Variants in UTRN observed in about 807,000 individuals in gnomAD.
The protein encoded by UTRN is utrophin, also known as dystrophin-related protein 1.
In UTRN, 283 loss-of-function variants were observed where a neutral mutation model predicts 463.9. The ratio of observed to expected loss-of-function variants is 0.61; its 90% CI spans 0.55 to 0.67. The LOEUF (loss-of-function observed/expected upper bound fraction) is 0.67. Among genes scored for constraint, UTRN ranks in the 30% least tolerant of loss-of-function variants. The pLI is 0.00. For synonymous variants in UTRN, 1,442 were observed against 1,431.5 expected (o/e 1.01, Z -0.17); for missense variants, 3,922 against 4,084.3 (o/e 0.96, Z 1.08).
intron 2 of UTRN, among the ~76,000 whole-genome samples, chr6:144,339,996 G>A (rs908154989): frequency 2.6e-5 from 4 of 152,098 alleles, no homozygotes; most frequent in African/African-American, 4.8e-5. Context: ...GGTGAAAGCC[G>A]TCTCTACTAG....
At chr6:144,784,576 G>A (rs1373889665) in intron 61 of UTRN, among the ~76,000 whole-genome samples, 1 of 152,164 alleles carries the variant, frequency 6.6e-6, no homozygotes, top group Non-Finnish European at 1.5e-5. Flanking sequence ...GAGGTACTAG[G>A]AGTTAGGACC....
chr6:144,710,570 G>C (rs1464134213), intron 53 of UTRN, among the ~76,000 whole-genome samples: 1 of 152,154 alleles, frequency 6.6e-6, no homozygotes, highest in African/African-American at 2.4e-5. Flanking sequence ...CAGTGTCTCA[G>C]AACATTGATA....
intron 23 of UTRN, among the ~76,000 whole-genome samples, chr6:144,468,751 G>T (rs974656244): frequency 6.6e-6 from 1 of 152,122 alleles, no homozygotes; most frequent in Admixed American, 6.5e-5. Context: ...GCTCTTTGAC[G>T]ATCTTTGTAA....
chr6:144,468,539 T>G (rs1790176964), intron 23 of UTRN, among the ~76,000 whole-genome samples: 1 of 152,146 alleles, frequency 6.6e-6, no homozygotes, highest in African/African-American at 2.4e-5. Context: ...AGAAATTTAC[T>G]AACAGTTTTT....
chr6:144,582,104 G>A (rs1264252002), intron 51 of UTRN, among the ~76,000 whole-genome samples: 1 of 152,058 alleles, frequency 6.6e-6, no homozygotes, highest in African/African-American at 2.4e-5. Flanking sequence ...CAATAAAGTC[G>A]GCAAAGCACT....
At chr6:144,337,324 C>T (rs1200807058) in intron 2 of UTRN, among the ~76,000 whole-genome samples, 1 of 152,184 alleles carries the variant, frequency 6.6e-6, no homozygotes, top group Non-Finnish European at 1.5e-5. Flanking sequence ...AAGCTGTGTG[C>T]CCCTATTACT....
chr6:144,501,807 T>C (rs1320055640), intron 34 of UTRN, among the ~76,000 whole-genome samples: 1 of 152,190 alleles, frequency 6.6e-6, no homozygotes, highest in Non-Finnish European at 1.5e-5. Flanking sequence ...TTTTAAGTCT[T>C]ATACATATTA....
At chr6:144,619,916 C>T (rs949966681) in intron 51 of UTRN, among the ~76,000 whole-genome samples, 2 of 152,218 alleles carry the variant, frequency 1.3e-5, no homozygotes, top group African/African-American at 4.8e-5. Flanking sequence ...CCAGGAAGGG[C>T]ATTCCTTCTG....
intron 50 of UTRN, among the ~76,000 whole-genome samples, chr6:144,570,061 T>C (rs1302605533): frequency 6.6e-6 from 1 of 152,170 alleles, no homozygotes; most frequent in Non-Finnish European, 1.5e-5. Flanking sequence ...TGTGTTGTTT[T>C]TTACCACAAA....
intron 53 of UTRN, among the ~76,000 whole-genome samples, chr6:144,701,717 C>T (rs145342678): frequency 8.5e-5 from 13 of 152,190 alleles, no homozygotes; most frequent in Middle Eastern, 3.4e-3. Flanking sequence ...ATGACAAACA[C>T]GAATGCACAC....
At chr6:144,291,095 C>T (rs73778598) in intron 1 of UTRN, among the ~76,000 whole-genome samples, 17,034 of 152,082 alleles carry the variant, frequency 0.11, 1,383 homozygotes, top group African/African-American at 0.23. Flanking sequence ...TTTAAAAAGG[C>T]CAATTTGACC....
chr6:144,676,016 C>A (rs987042795), intron 51 of UTRN, among the ~76,000 whole-genome samples: 2 of 152,158 alleles, frequency 1.3e-5, no homozygotes, highest in African/African-American at 2.4e-5. Context: ...TTTACTTAAA[C>A]TGCCCCCAAA....
At chr6:144,295,366 C>A (rs1804585459) in intron 2 of UTRN, among the ~76,000 whole-genome samples, 1 of 152,150 alleles carries the variant, frequency 6.6e-6, no homozygotes. Context: ...TATCCCAGAG[C>A]CCTGTAGAAA....
intron 2 of UTRN, among the ~76,000 whole-genome samples, chr6:144,340,396 T>G (rs1474177077): frequency 6.6e-6 from 1 of 152,180 alleles, no homozygotes; most frequent in Non-Finnish European, 1.5e-5. Context: ...GAAGAAGATG[T>G]GTACCCTTCA....
intron 41 of UTRN, among the ~76,000 whole-genome samples, chr6:144,529,017 T>G (rs1796802881): frequency 6.6e-6 from 1 of 152,102 alleles, no homozygotes; most frequent in Non-Finnish European, 1.5e-5. Context: ...CCAGTGGAGT[T>G]ATGTTCCCAG....
At chr6:144,635,552 T>TTTTTTTTTTTTTTTG (rs1777083157) in intron 51 of UTRN, among the ~76,000 whole-genome samples, 1 of 132,418 alleles carries the variant, frequency 7.6e-6, no homozygotes. Context: ...TTTTTTTTTT[T>TTTTTTTTTTTTTTTG]TTTTTGAGAG....
At chr6:144,722,270 A>G (rs1253817072) in intron 53 of UTRN, among the ~76,000 whole-genome samples, 2 of 151,432 alleles carry the variant, frequency 1.3e-5, no homozygotes, top group African/African-American at 4.9e-5. Flanking sequence ...CTCTGCCTAG[A>G]TTGCTCTTTT....
At position 144,286,813 on chromosome 6, in the gene UTRN, A is replaced by G. The variant is rs905127518; in HGVS notation, c.-93+992A>G. Among the ~76,000 whole-genome samples the G allele has an allele frequency of 2.2e-4, 33 of 151,538 alleles. No homozygotes were observed. Among genetic ancestry groups the G allele is most frequent in the African/African-American group, 7.8e-4 (32 of 41,190 alleles). ...GGACCAGCACTTTATTTTACAAGGAACTGCAGAGCTCGGGTTCTAACTCCA... is the reference window on the plus strand; with the variant it reads ...GGACCAGCACTTTATTTTACAAGGAGCTGCAGAGCTCGGGTTCTAACTCCA... On this transcript the variant is annotated intron_variant, in intron 1 of 74. Transcript: ENST00000367545. The surrounding 1 kb of genome is among the most constrained non-coding windows in gnomAD (Gnocchi z 4.4).
intron 34 of UTRN, among the ~76,000 whole-genome samples, chr6:144,508,303 C>A (rs1794862476): frequency 6.6e-6 from 1 of 152,130 alleles, no homozygotes; most frequent in Non-Finnish European, 1.5e-5. Context: ...AACAAACAAA[C>A]AACTCCTGCA....
Sources: allele counts gnomAD v4.1 joint callset (sites outside exome capture counted in the v4.1 genomes callset), GRCh38; gene constraint gnomAD v4.1.1; non-coding constraint Gnocchi (gnomAD v3.1); transcripts MANE v1.5; gene names NCBI Gene and HGNC (gene_info 2026-07-23, HGNC 2026-07-21).